Variants in MARK1 observed in about 807,000 individuals in gnomAD.
The protein encoded by MARK1 is microtubule affinity regulating kinase 1, also known as serine/threonine-protein kinase MARK1.
Under a neutral mutation model 96.3 loss-of-function variants are expected in MARK1, and 40 were observed. That is an observed-to-expected ratio of 0.42 (90% CI 0.32 to 0.54). The LOEUF (loss-of-function observed/expected upper bound fraction) is 0.54. Ranked by LOEUF, MARK1 falls within the 20% of genes least tolerant of loss-of-function variation. The pLI, the probability that MARK1 is intolerant of heterozygous loss-of-function variation, is 0.16. For missense variants in MARK1, 719 were observed against 984.6 expected (o/e 0.73, Z 3.61); for synonymous variants, 317 against 341.2 (o/e 0.93, Z 0.78).
chr1:220,589,441 T>C (rs769510361), intron 3 of MARK1, among the ~76,000 whole-genome samples: 15 of 152,216 alleles, frequency 9.9e-5, no homozygotes, highest in Non-Finnish European at 1.9e-4. Context: ...TAATGGAGTT[T>C]GGCTAACCCT....
intron 9 of MARK1, among the ~76,000 whole-genome samples, chr1:220,624,281 G>A (rs1388538767): frequency 1.6e-5 from 2 of 121,612 alleles, no homozygotes; most frequent in African/African-American, 6.6e-5. Context: ...CTGGGAAACA[G>A]AATGCGATTC....
In MARK1 at chr1:220,643,939, A is replaced by G. The variant is rs7523054; in HGVS notation, c.1471-6681A>G. Among the ~76,000 whole-genome samples the G allele has an allele frequency of 8.6e-3, 1,305 of 152,280 alleles. 15 individuals are homozygous for G. The highest frequency in any genetic ancestry group is 0.029 in the African/African-American group (1,193 of 41,550). ...GGAAGTACTAAACATGGATAGGAAA[A>G]TTTGTTACCAGCCATTACAAAAACA... On this transcript the variant is annotated intron_variant, in intron 13 of 17. Coordinates refer to ENST00000366917, the MANE Select transcript of MARK1 (RefSeq NM_018650.5).
chr1:220,661,251 T>C (rs1483370402), intron 17 of MARK1, among the ~76,000 whole-genome samples: 1 of 152,168 alleles, frequency 6.6e-6, no homozygotes, highest in Non-Finnish European at 1.5e-5. Flanking sequence ...TAGACTGTTT[T>C]AAGGATGTCT....
intron 1 of MARK1, among the ~76,000 whole-genome samples, chr1:220,542,060 G>T (rs556615815): frequency 6.6e-6 from 1 of 152,188 alleles, no homozygotes; most frequent in Non-Finnish European, 1.5e-5. Context: ...CCCTCTGGCA[G>T]TCCCCTAAAA....
At chr1:220,635,161 A>G (rs1219623697) in intron 11 of MARK1, among the ~76,000 whole-genome samples, 1 of 152,112 alleles carries the variant, frequency 6.6e-6, no homozygotes, top group African/African-American at 2.4e-5. Context: ...AAGATAATAC[A>G]AGATTATGAG....
At chr1:220,599,250 C>T (rs1474503236) in intron 4 of MARK1, among the ~76,000 whole-genome samples, 1 of 151,928 alleles carries the variant, frequency 6.6e-6, no homozygotes, top group East Asian at 1.9e-4. Context: ...TTTTTAAAAT[C>T]TGTTTTTTAA....
At chr1:220,552,499 C>T (rs1292823759) in intron 1 of MARK1, among the ~76,000 whole-genome samples, 1 of 152,112 alleles carries the variant, frequency 6.6e-6, no homozygotes, top group Non-Finnish European at 1.5e-5. Context: ...ATTGTTTTAT[C>T]AAGACAGCTG....
At position 220,596,580 on chromosome 1, in the gene MARK1, T is replaced by C. The variant is rs73105432; in HGVS notation, c.310-1751T>C. 2.5e-3 allele frequency among the ~76,000 whole-genome samples: 380 copies of C among 152,280 alleles called. 3 individuals are homozygous for C. Among genetic ancestry groups the C allele is most frequent in the African/African-American group, 8.5e-3 (354 of 41,554 alleles). On this transcript the variant is annotated intron_variant, in intron 3 of 17. Coordinates refer to ENST00000366917, the MANE Select transcript of MARK1 (RefSeq NM_018650.5). ...ACTCCCTGGGTTTATGTAGGAATTA[T>C]TGAGAATAGCTAGGGAAAGCAAGCT...
At chr1:220,572,465 A>G (rs1280530973) in intron 1 of MARK1, among the ~76,000 whole-genome samples, 1 of 151,356 alleles carries the variant, frequency 6.6e-6, no homozygotes. Flanking sequence ...CTGGTCTTGA[A>G]CTCCCGACCT....
intron 3 of MARK1, among the ~76,000 whole-genome samples, chr1:220,595,020 A>T (rs1234202865): frequency 6.6e-6 from 1 of 152,140 alleles, no homozygotes. Flanking sequence ...AGTGATAATG[A>T]TGTGTAGCTC....
chr1:220,607,699 A>G (rs1666169575), intron 6 of MARK1, among the ~76,000 whole-genome samples: 1 of 152,154 alleles, frequency 6.6e-6, no homozygotes, highest in African/African-American at 2.4e-5. Flanking sequence ...TGGGTTTGTC[A>G]TAAATAGCTC....
rs754138827 is a variant in MARK1 at position 220,579,530 on chromosome 1, G to A, written c.228G>A (p.Leu76=). 1 of 1,613,982 alleles carries A rather than the reference G, an allele frequency of 6.2e-7. No individual in the cohort carries two copies. Residue 76 remains leucine, a synonymous_variant, in exon 2 of 18, where the codon TTG becomes TTA. Transcript: ENST00000366917. ...AGGGAAATTTTGCCAAAGTCAAATT[G>A]GCAAGACACGTTCTAACTGGTAGAG... The part of the protein sequence containing the change: ...IGKGNFAKVK[L]ARHVLTGREV...
At chr1:220,602,395 A>C (rs1665803575) in intron 5 of MARK1, among the ~76,000 whole-genome samples, 1 of 152,188 alleles carries the variant, frequency 6.6e-6, no homozygotes, top group Non-Finnish European at 1.5e-5. Context: ...GGAATACATA[A>C]GTGAGCAAAG....
At chr1:220,576,281 C>T (rs1266226443) in intron 1 of MARK1, among the ~76,000 whole-genome samples, 1 of 151,688 alleles carries the variant, frequency 6.6e-6, no homozygotes, top group African/African-American at 2.4e-5. Context: ...GACTCTGCTC[C>T]ATGTATTTCT....
chr1:220,587,378 T>C (rs1664710337), intron 3 of MARK1, among the ~76,000 whole-genome samples: 1 of 151,694 alleles, frequency 6.6e-6, no homozygotes, highest in African/African-American at 2.4e-5. Context: ...TTTCTTTCTT[T>C]CTTTTTTTGG....
At chr1:220,586,236 C>T (rs73093549) in intron 3 of MARK1, among the ~76,000 whole-genome samples, 3,878 of 152,236 alleles carry the variant, frequency 0.025, 152 homozygotes, top group African/African-American at 0.088. Context: ...TCTTCACTCT[C>T]CTCTTCCCCG....
At chr1:220,567,039 C>T (rs1281166891) in intron 1 of MARK1, among the ~76,000 whole-genome samples, 1 of 152,044 alleles carries the variant, frequency 6.6e-6, no homozygotes, top group Non-Finnish European at 1.5e-5. Flanking sequence ...TCCTTAGTAT[C>T]TTGAGTTTGT....
chr1:220,546,836 G>T (rs2102729679), intron 1 of MARK1, among the ~76,000 whole-genome samples: 1 of 152,226 alleles, frequency 6.6e-6, no homozygotes. Flanking sequence ...GCTGGGCATG[G>T]CGGCGTGCGC....
chr1:220,643,079 G>A (rs1173165059), intron 13 of MARK1, among the ~76,000 whole-genome samples: 1 of 152,194 alleles, frequency 6.6e-6, no homozygotes, highest in African/African-American at 2.4e-5. Flanking sequence ...TCTCCAGCAA[G>A]GGAACAGAAC....
Sources: gnomAD v4.1 joint callset for allele counts (sites outside exome capture counted in the v4.1 genomes callset) on GRCh38, gnomAD v4.1.1 for gene constraint, MANE v1.5 for transcripts, NCBI Gene and HGNC (gene_info 2026-07-23, HGNC 2026-07-21) for gene names.